Variants in MMAA observed in about 807,000 individuals in gnomAD.
The protein encoded by MMAA is methylmalonic aciduria type A protein, mitochondrial.
In MMAA, 41 loss-of-function variants were observed where a neutral mutation model predicts 45.0. The ratio of observed to expected loss-of-function variants is 0.91; its 90% CI spans 0.71 to 1.18. MMAA has a LOEUF of 1.18. Ranked by LOEUF, MMAA falls within the 50% of genes most tolerant of loss-of-function variation. The probability of loss-of-function intolerance (pLI) is 0.00; values close to 1 mark genes in which losing one functional copy is unlikely to be tolerated. For missense variants in MMAA, 460 were observed against 495.7 expected (o/e 0.93, Z 0.68); for synonymous variants, 154 against 178.2 (o/e 0.86, Z 1.08).
In MMAA at chr4:145,659,477, A is replaced by G. The variant is rs1728328605; in HGVS notation, c.*4043A>G. 2 of 152,186 alleles carry G rather than the reference A, an allele frequency of 1.3e-5. No individual in the cohort carries two copies. The highest frequency in any genetic ancestry group is 6.5e-5 in the Admixed American group (1 of 15,274). 9.4% of individuals were successfully genotyped at this position (152,186 alleles called of 1,614,324 possible). On this transcript the variant is annotated 3_prime_UTR_variant, in exon 7 of 7. Coordinates refer to ENST00000649156, the MANE Select transcript of MMAA (RefSeq NM_172250.3). Reference sequence around the variant, plus strand: ...TTTGCTTAGACCCCTCAGCTTCTTGATAGAGTGAGGTGAGGGCATATGTAA... The same window carrying G: ...TTTGCTTAGACCCCTCAGCTTCTTGGTAGAGTGAGGTGAGGGCATATGTAA...
chr4:145,633,851 A>T (rs928296434), intron 1 of MMAA, among the ~76,000 whole-genome samples: 5 of 152,204 alleles, frequency 3.3e-5, no homozygotes, highest in Non-Finnish European at 7.3e-5. Flanking sequence ...CTTGGATAAG[A>T]TCCTGAAGAA....
chr4:145,624,533 C>G, intron 1 of MMAA: 1 of 1,120,282 alleles, frequency 8.9e-7, no homozygotes, highest in Admixed American at 1.8e-5. Context: ...AGGTGCTGTT[C>G]TTTATGACTT....
intron 1 of MMAA, among the ~76,000 whole-genome samples, chr4:145,626,711 A>AT (rs1734213181): frequency 6.6e-6 from 1 of 152,158 alleles, no homozygotes; most frequent in African/African-American, 2.4e-5. Context: ...AATCAGCCTT[A>AT]TGCCGCTGAG....
At chr4:145,646,203 C>G in intron 4 of MMAA, 47 bp downstream of exon 4, 1 of 1,604,434 alleles carries the variant, frequency 6.2e-7, no homozygotes, top group Non-Finnish European at 8.5e-7. Context: ...TTTATGAATG[C>G]TATATAAAGA....
chr4:145,639,611 AT>A (rs1560796166), intron 2 of MMAA, 33 bp downstream of exon 2: 1 of 1,586,270 alleles, frequency 6.3e-7, no homozygotes, highest in African/African-American at 1.4e-5. Context: ...CTCAGTAAAT[AT>A]TTTTACAAAT....
In MMAA at chr4:145,655,233, T is replaced by C. The variant is rs1302017266; in HGVS notation, c.1056T>C (p.Ser352=). 6.2e-7 allele frequency: 1 copy of C among 1,614,104 alleles called. No homozygotes were observed. Among genetic ancestry groups the C allele is most frequent in the African/African-American group, 1.3e-5 (1 of 75,018 alleles). The change falls in exon 7 of 7, where the codon AGT becomes AGC. Residue 352 remains serine (S), a synonymous_variant. Transcript: ENST00000649156. ...MKDFQDLMLA[S]GELTAKRRKQ... is the part of the protein sequence containing the mutation. Reference sequence around the variant, plus strand: ...ATTTCCAGGACCTAATGCTTGCCAGTGGGGAGCTGACTGCCAAACGACGGA... The same window carrying C: ...ATTTCCAGGACCTAATGCTTGCCAGCGGGGAGCTGACTGCCAAACGACGGA...
intron 5 of MMAA, among the ~76,000 whole-genome samples, chr4:145,651,835 A>G (rs1728098678): frequency 6.6e-6 from 1 of 152,212 alleles, no homozygotes; most frequent in Non-Finnish European, 1.5e-5. Flanking sequence ...TCCACCTCAG[A>G]TCATCAGGCA....
At chr4:145,623,852 A>G (rs866938389) in intron 1 of MMAA, among the ~76,000 whole-genome samples, 2 of 152,218 alleles carry the variant, frequency 1.3e-5, no homozygotes, top group Non-Finnish European at 2.9e-5. Context: ...GACCTGATCT[A>G]AGGAGCCTTG....
intron 2 of MMAA, among the ~76,000 whole-genome samples, chr4:145,640,881 A>G (rs754772516): frequency 6.6e-6 from 1 of 152,156 alleles, no homozygotes; most frequent in Non-Finnish European, 1.5e-5. Flanking sequence ...CCCTCGTGCT[A>G]AAAACAACTT....
rs756437003 is a variant in MMAA at position 145,655,232 on chromosome 4, G to C, written c.1055G>C (p.Ser352Thr). The part of the protein sequence containing the change: ...MKDFQDLMLA[S>T]GELTAKRRKQ... Reference sequence around the variant, plus strand: ...GATTTCCAGGACCTAATGCTTGCCAGTGGGGAGCTGACTGCCAAACGACGG... The same window carrying C: ...GATTTCCAGGACCTAATGCTTGCCACTGGGGAGCTGACTGCCAAACGACGG... Residue 352 changes from serine (S) to threonine (T), a missense_variant, in exon 7 of 7, where the codon AGT becomes ACT. Coordinates refer to ENST00000649156, the MANE Select transcript of MMAA (RefSeq NM_172250.3). The C allele has an allele frequency of 2.5e-6, 4 of 1,614,166 alleles. No individual in the cohort carries two copies. Among genetic ancestry groups the C allele is most frequent in the South Asian group, 1.1e-5 (1 of 91,074 alleles).
intron 1 of MMAA, among the ~76,000 whole-genome samples, chr4:145,619,913 G>A (rs1734057114): frequency 6.6e-6 from 1 of 152,156 alleles, no homozygotes; most frequent in Non-Finnish European, 1.5e-5. Flanking sequence ...TCCGTCACAT[G>A]GCGTGCCGGG....
At chr4:145,648,023 ATTTT>A (rs771723312) in intron 4 of MMAA, among the ~76,000 whole-genome samples, 1 of 130,886 alleles carries the variant, frequency 7.6e-6, no homozygotes. Flanking sequence ...TGCCCAGCTA[ATTTT>A]TTTTTTTTTT....
rs576930613 is a variant in MMAA at position 145,640,360 on chromosome 4, G to A, written c.439+782G>A. On this transcript the variant is annotated intron_variant, in intron 2 of 6. Coordinates refer to ENST00000649156, the MANE Select transcript of MMAA (RefSeq NM_172250.3). Reference sequence around the variant, plus strand: ...ACTCCTGACCTCAAGTGATCCACCCGTCTTGGCCTCCCAAAGTGCTGGGAT... The same window carrying A: ...ACTCCTGACCTCAAGTGATCCACCCATCTTGGCCTCCCAAAGTGCTGGGAT... 1.4e-4 allele frequency among the ~76,000 whole-genome samples: 22 copies of A among 152,002 alleles called. No homozygotes were observed. The South Asian group carries it at 3.5e-3, about 24-fold the overall frequency.
chr4:145,625,742 C>A (rs1734189970), intron 1 of MMAA: 1 of 1,411,628 alleles, frequency 7.1e-7, no homozygotes, highest in Non-Finnish European at 1.0e-6. Context: ...GACAATTGAA[C>A]TGGCCTGATA....
chr4:145,625,791 T>G (rs954291267), intron 1 of MMAA: 28 of 1,182,856 alleles, frequency 2.4e-5, no homozygotes, highest in Non-Finnish European at 3.2e-5. Context: ...AATTGTCTCC[T>G]CTTTAAGCTG....
chr4:145,638,707 T>A (rs1209430713), intron 1 of MMAA, among the ~76,000 whole-genome samples: 1 of 152,174 alleles, frequency 6.6e-6, no homozygotes, highest in Non-Finnish European at 1.5e-5. Context: ...TAACCTTTTG[T>A]ATGAGCTTCA....
Position 145,639,182 on chromosome 4 carries a change from G to C in MMAA, c.43G>C (p.Gly15Arg), listed in dbSNP as rs893538330. 1.2e-6 allele frequency: 2 copies of C among 1,614,072 alleles called. No individual in the cohort carries two copies. The highest frequency in any genetic ancestry group is 1.7e-6 in the Non-Finnish European group (2 of 1,180,012). The change falls in exon 2 of 7, where the codon GGC (glycine) becomes CGC (arginine). Residue 15 changes from glycine to arginine, a missense_variant. By Grantham distance (125) the Gly-to-Arg change is moderately radical. Transcript: ENST00000649156. ...LPHPHQHFLK[G>R]LLRAPFRCYH... ...ACATCCTCACCAGCATTTCCTAAAAGGCCTTTTAAGAGCACCTTTCCGATG... is the reference window on the plus strand; with the variant it reads ...ACATCCTCACCAGCATTTCCTAAAACGCCTTTTAAGAGCACCTTTCCGATG...
chr4:145,656,356 T>G lies in MMAA; in HGVS notation c.*922T>G, dbSNP rs942930870. 2.6e-5 allele frequency: 4 copies of G among 152,238 alleles called. No homozygotes were observed. The highest frequency in any genetic ancestry group is 4.4e-5 in the Non-Finnish European group (3 of 68,024). The allele number at this position is 152,238 out of a possible 1,614,324, so 9.4% of individuals were successfully genotyped here. ...GTAGTTGGACTATGTGGGTTTAAAC[T>G]TTAAACCCAGATCAATTGTATATTA... On this transcript the variant is annotated 3_prime_UTR_variant, in exon 7 of 7. Transcript: ENST00000649156.
chr4:145,655,527 G>A lies in MMAA; in HGVS notation c.*93G>A. On this transcript the variant is annotated 3_prime_UTR_variant, in exon 7 of 7. Transcript: ENST00000649156. ...TATGCTTATATTTTCAGTAATTATT[G>A]TATGGTGCTCTTGTCTTCTTTGTTT... is the stretch of plus-strand genomic sequence containing the variant. 5 of 1,194,840 alleles carry A rather than the reference G, an allele frequency of 4.2e-6. No homozygotes were observed. In the South Asian group the frequency reaches 6.2e-5, roughly 15 times the overall value. 74.0% of individuals were successfully genotyped at this position (1,194,840 alleles called of 1,614,324 possible).
Sources: allele counts gnomAD v4.1 joint callset (sites outside exome capture counted in the v4.1 genomes callset), GRCh38; gene constraint gnomAD v4.1.1; transcripts MANE v1.5; gene names NCBI Gene and HGNC (gene_info 2026-07-23, HGNC 2026-07-21).